The following RBFOX1 variants were observed in gnomAD, a reference collection of about 807,000 sequenced individuals.
RBFOX1 encodes the protein RNA binding fox-1 homolog 1.
In RBFOX1, 8 loss-of-function variants were observed where a neutral mutation model predicts 57.7. The ratio of observed to expected loss-of-function variants is 0.14; its 90% CI spans 0.08 to 0.25. The LOEUF (loss-of-function observed/expected upper bound fraction) is 0.25. Ranked by LOEUF, RBFOX1 falls within the 10% of genes least tolerant of loss-of-function variation. The probability of loss-of-function intolerance (pLI) is 1.00; values close to 1 mark genes in which losing one functional copy is unlikely to be tolerated. For missense variants in RBFOX1, 611 were observed against 548.5 expected, an observed-to-expected ratio of 1.11 and a Z score of -1.14; for synonymous variants, 326 against 222.4, an observed-to-expected ratio of 1.47 and a Z score of -4.15.
At chr16:6,102,913 G>A (rs1281749776) in intron 1 of RBFOX1, among the ~76,000 whole-genome samples, 2 of 152,242 alleles carry the variant, frequency 1.3e-5, no homozygotes, top group South Asian at 2.1e-4. Context: ...AGAAGAAAGT[G>A]ATGGAGTCTG....
chr16:5,660,351 G>A (rs967294109), intron 3 of RBFOX1, among the ~76,000 whole-genome samples: 2 of 152,110 alleles, frequency 1.3e-5, no homozygotes, highest in East Asian at 3.9e-4. Flanking sequence ...CGCGTTTTCG[G>A]CTTAGCTGGT....
chr16:6,425,119 C>T (rs2093887066), intron 2 of RBFOX1, among the ~76,000 whole-genome samples: 1 of 152,046 alleles, frequency 6.6e-6, no homozygotes, highest in Non-Finnish European at 1.5e-5. Flanking sequence ...CAACTTTATA[C>T]CTTTTAGTAA....
At chr16:7,555,347 T>C (rs1217539699) in intron 5 of RBFOX1, among the ~76,000 whole-genome samples, 2 of 152,182 alleles carry the variant, frequency 1.3e-5, no homozygotes, top group Non-Finnish European at 2.9e-5. Flanking sequence ...GTAGAAAGGC[T>C]GTGGAAATTT....
In RBFOX1 at chr16:7,676,844, G is replaced by T. The variant is rs777768873; in HGVS notation, c.995+6G>T. 6.2e-7 allele frequency: 1 copy of T among 1,610,100 alleles called. No homozygotes were observed. The highest frequency in any genetic ancestry group is 1.7e-5 in the Admixed American group (1 of 59,948). On this transcript the variant is annotated splice_donor_region_variant and intron_variant, in intron 14 of 15. Transcript: ENST00000550418. ...GCCGCTGCCTACAGTGACAGGTAAG[G>T]GTCATCCTTCTTGTGCTTGACAACT...
At chr16:5,374,734 T>A (rs1236462075) in intron 1 of RBFOX1, among the ~76,000 whole-genome samples, 2 of 149,924 alleles carry the variant, frequency 1.3e-5, no homozygotes, top group Non-Finnish European at 3.0e-5. Flanking sequence ...TTTTGAAGAA[T>A]TGACTAAAAA....
chr16:7,167,855 C>G (rs951383422), intron 4 of RBFOX1, among the ~76,000 whole-genome samples: 2 of 29,008 alleles, frequency 6.9e-5, no homozygotes, highest in Admixed American at 3.7e-4. Context: ...TATTTACTAT[C>G]TGGCCCTCTG....
At chr16:6,988,738 TTTTTGTTTGTTTG>T (rs1426812160) in intron 3 of RBFOX1, among the ~76,000 whole-genome samples, 1 of 68,226 alleles carries the variant, frequency 1.5e-5, no homozygotes, top group African/African-American at 7.9e-5. Flanking sequence ...CTAATTTTTT[TTTTTGTTTGTTTG>T]TTTTTTGTTT....
chr16:7,404,058 A>ATTTTATTTTG (rs1195928082), intron 4 of RBFOX1, among the ~76,000 whole-genome samples: 1 of 149,242 alleles, frequency 6.7e-6, no homozygotes, highest in African/African-American at 2.5e-5. Context: ...ATTTTATTTT[A>ATTTTATTTTG]TTTTATTTTA....
At chr16:6,890,233 A>C (rs532854169) in intron 3 of RBFOX1, among the ~76,000 whole-genome samples, 1 of 152,148 alleles carries the variant, frequency 6.6e-6, no homozygotes, top group South Asian at 2.1e-4. Flanking sequence ...TGAAAACCTA[A>C]GGAGGGTGGG....
chr16:6,237,388 G>A (rs926932439), intron 1 of RBFOX1, among the ~76,000 whole-genome samples: 5 of 152,150 alleles, frequency 3.3e-5, no homozygotes, highest in African/African-American at 1.2e-4. Flanking sequence ...AAAGGTGAAG[G>A]GCTATTATAG....
chr16:5,516,067 T>C (rs2043781296), intron 2 of RBFOX1, among the ~76,000 whole-genome samples: 1 of 152,196 alleles, frequency 6.6e-6, no homozygotes, highest in Admixed American at 6.5e-5. Context: ...GTACAGTGAA[T>C]ATTCCCGCTT....
In RBFOX1 at chr16:6,919,427, TC is replaced by T. The variant is rs369201562; in HGVS notation, c.-15-132625del. Among the ~76,000 whole-genome samples, 649 of 147,142 alleles carry T rather than the reference TC, an allele frequency of 4.4e-3. 7 individuals are homozygous for T. The highest frequency in any genetic ancestry group is 0.016 in the African/African-American group (626 of 39,766). ...TATAGACCAAAAAATAAAATAAAGC[TC>T]CCCCAAACTGGAACATAGAGGGTTT... On this transcript the variant is annotated intron_variant, in intron 3 of 15. Coordinates refer to ENST00000550418, the MANE Select transcript of RBFOX1 (RefSeq NM_018723.4).
At chr16:7,436,593 G>T (rs1342222504) in intron 4 of RBFOX1, among the ~76,000 whole-genome samples, 1 of 152,218 alleles carries the variant, frequency 6.6e-6, no homozygotes, top group Admixed American at 6.5e-5. Flanking sequence ...GCTCCATGAG[G>T]TTAAAGGATT....
chr16:6,856,377 C>G (rs564470975), intron 3 of RBFOX1, among the ~76,000 whole-genome samples: 2 of 152,072 alleles, frequency 1.3e-5, no homozygotes, highest in East Asian at 1.9e-4. Flanking sequence ...TAGACTATGT[C>G]TCCTTGGAGT....
chr16:5,642,470 C>T (rs1362227659), intron 3 of RBFOX1, among the ~76,000 whole-genome samples: 1 of 152,168 alleles, frequency 6.6e-6, no homozygotes, highest in Non-Finnish European at 1.5e-5. Context: ...GAAAAGCCTT[C>T]TGTGTTCAAG....
chr16:5,358,312 C>T (rs1022183211), intron 1 of RBFOX1, among the ~76,000 whole-genome samples: 9 of 151,986 alleles, frequency 5.9e-5, no homozygotes, highest in Admixed American at 4.6e-4. Flanking sequence ...CCAGTATGAC[C>T]TACTGTAATC....
chr16:7,464,788 C>A (rs961462325), intron 4 of RBFOX1, among the ~76,000 whole-genome samples: 6 of 148,742 alleles, frequency 4.0e-5, no homozygotes, highest in Non-Finnish European at 7.4e-5. Context: ...GCTCCGCCTC[C>A]CAGGTTCACG....
intron 3 of RBFOX1, among the ~76,000 whole-genome samples, chr16:6,701,727 T>A (rs565504047): frequency 2.0e-4 from 30 of 152,146 alleles, no homozygotes; most frequent in Non-Finnish European, 4.3e-4. Flanking sequence ...GTAGACTGGA[T>A]TTTAAAAATG....
chr16:7,064,998 A>C (rs1199314433), intron 4 of RBFOX1, among the ~76,000 whole-genome samples: 1 of 152,160 alleles, frequency 6.6e-6, no homozygotes, highest in Non-Finnish European at 1.5e-5. Context: ...CACATACAAC[A>C]AATCAGATGG....
Sources: gnomAD v4.1 joint callset for allele counts (sites outside exome capture counted in the v4.1 genomes callset) on GRCh38, gnomAD v4.1.1 for gene constraint, MANE v1.5 for transcripts, NCBI Gene and HGNC (gene_info 2026-07-23, HGNC 2026-07-21) for gene names.